The following MAD1L1 variants were observed in gnomAD, a reference collection of about 807,000 sequenced individuals.
MAD1L1 encodes the protein mitotic spindle assembly checkpoint protein MAD1.
MAD1L1 carries 95 observed loss-of-function variants against 96.9 expected under a neutral mutation model. The observed-to-expected ratio is 0.98, with a 90% CI of 0.83 to 1.16. The LOEUF (loss-of-function observed/expected upper bound fraction) is 1.16. Ranked by LOEUF, MAD1L1 falls within the 50% of genes most tolerant of loss-of-function variation. The probability of loss-of-function intolerance (pLI) is 0.00; values close to 1 mark genes in which losing one functional copy is unlikely to be tolerated. For synonymous variants in MAD1L1, 473 were observed against 396.6 expected, an observed-to-expected ratio of 1.19 and a Z score of -2.29; for missense variants, 1,007 against 954.4, an observed-to-expected ratio of 1.06 and a Z score of -0.73.
intron 4 of MAD1L1, 69 bp from the exon 5 acceptor site, chr7:2,222,823 C>T (rs1393404970): frequency 7.8e-7 from 1 of 1,276,278 alleles, no homozygotes; most frequent in Non-Finnish European, 1.1e-6. Flanking sequence ...CCCTCACCCC[C>T]ACACCTCTCT....
chr7:2,124,609 G>A (rs532620510), intron 11 of MAD1L1, among the ~76,000 whole-genome samples: 1 of 152,272 alleles, frequency 6.6e-6, no homozygotes, highest in South Asian at 2.1e-4. Flanking sequence ...AGGAGGTCAC[G>A]AAGCCCCCGC....
At chr7:2,214,281 T>C (rs1408338414) in intron 9 of MAD1L1, among the ~76,000 whole-genome samples, 1 of 152,056 alleles carries the variant, frequency 6.6e-6, no homozygotes, top group Non-Finnish European at 1.5e-5. Flanking sequence ...AACAATAAAT[T>C]ACACCGCGGG....
chr7:1,868,458 C>T (rs1784883885), intron 18 of MAD1L1, among the ~76,000 whole-genome samples: 1 of 150,796 alleles, frequency 6.6e-6, no homozygotes, highest in African/African-American at 2.4e-5. Context: ...CATGTCTGTC[C>T]TCCCCAGCGA....
intron 17 of MAD1L1, among the ~76,000 whole-genome samples, chr7:1,903,309 C>T (rs566711728): frequency 7.4e-5 from 11 of 148,050 alleles, no homozygotes; most frequent in South Asian, 2.2e-4. Context: ...TTCCAGGCAG[C>T]GAGGACGCAG....
intron 18 of MAD1L1, among the ~76,000 whole-genome samples, chr7:1,864,477 C>T (rs941822531): frequency 6.6e-6 from 1 of 152,236 alleles, no homozygotes; most frequent in Non-Finnish European, 1.5e-5. Flanking sequence ...CTTCTGAACA[C>T]CCCCCTGCCG....
intron 11 of MAD1L1, among the ~76,000 whole-genome samples, chr7:2,130,044 C>T (rs1278527285): frequency 6.6e-6 from 1 of 152,238 alleles, no homozygotes; most frequent in African/African-American, 2.4e-5. Flanking sequence ...AGACAGACTC[C>T]AGCACCAAGT....
At chr7:2,161,137 C>G (rs1385459305) in intron 10 of MAD1L1, among the ~76,000 whole-genome samples, 1 of 131,734 alleles carries the variant, frequency 7.6e-6, no homozygotes, top group Non-Finnish European at 1.6e-5. Context: ...CCCCTTTGCA[C>G]GGTCTCCCTC....
intron 18 of MAD1L1, among the ~76,000 whole-genome samples, chr7:1,880,459 C>T (rs971534754): frequency 6.6e-6 from 1 of 152,170 alleles, no homozygotes; most frequent in Non-Finnish European, 1.5e-5. Flanking sequence ...GGAGGCCACT[C>T]GACACAGTGA....
chr7:1,902,708 G>A (rs779764707), intron 17 of MAD1L1, among the ~76,000 whole-genome samples: 15 of 152,240 alleles, frequency 9.9e-5, no homozygotes, highest in African/African-American at 2.4e-4. Flanking sequence ...CTCGCTGTAC[G>A]TCCTGCAGTG....
intron 15 of MAD1L1, among the ~76,000 whole-genome samples, chr7:1,962,382 C>T (rs972240228): frequency 2.0e-5 from 3 of 152,076 alleles, no homozygotes; most frequent in African/African-American, 2.4e-5. Flanking sequence ...TTACTCAGTC[C>T]GGGTATGTCT....
At chr7:2,018,589 G>C (rs1046813603) in intron 12 of MAD1L1, among the ~76,000 whole-genome samples, 6 of 152,190 alleles carry the variant, frequency 3.9e-5, no homozygotes, top group Non-Finnish European at 5.9e-5. Context: ...CTGGGAGTCA[G>C]TGGCAGCCTG....
chr7:2,210,450 T>TGCGG (rs1562375185), intron 10 of MAD1L1, among the ~76,000 whole-genome samples: 1 of 134,836 alleles, frequency 7.4e-6, no homozygotes, highest in Non-Finnish European at 1.7e-5. Context: ...TCCCGTGGAC[T>TGCGG]CTCTAGGAGC....
intron 18 of MAD1L1, among the ~76,000 whole-genome samples, chr7:1,885,530 C>T (rs12538674): frequency 3.3e-5 from 5 of 151,972 alleles, no homozygotes; most frequent in Non-Finnish European, 7.4e-5. Context: ...AGATTTCAGG[C>T]GAATGTGTGA....
chr7:2,091,267 G>A (rs191789027), intron 11 of MAD1L1, among the ~76,000 whole-genome samples: 3 of 152,296 alleles, frequency 2.0e-5, no homozygotes, highest in Admixed American at 6.5e-5. Context: ...ACCGAGAACA[G>A]TGCTTGGAAG....
rs375727159 is a variant in MAD1L1 at position 1,938,413 on chromosome 7, G to GA, written c.1597-1517dup. 5.2e-4 allele frequency among the ~76,000 whole-genome samples: 76 copies of GA among 147,202 alleles called. 1 individual carries two copies. The East Asian group carries it at 9.2e-3, about 18-fold the overall frequency. On this transcript the variant is annotated intron_variant, in intron 16 of 18. Transcript: ENST00000265854. ...GGTTCAGGAAGTGCTGGCCGTAAAA[G>GA]AAAAAAAAAAGAGTACAACTGACCT...
At chr7:2,166,272 G>C (rs1489435896) in intron 10 of MAD1L1, among the ~76,000 whole-genome samples, 1 of 152,158 alleles carries the variant, frequency 6.6e-6, no homozygotes, top group African/African-American at 2.4e-5. Flanking sequence ...CTGCTGCAGG[G>C]ACATGAGTTA....
intron 16 of MAD1L1, among the ~76,000 whole-genome samples, chr7:1,943,625 G>A (rs1779099723): frequency 6.6e-6 from 1 of 152,168 alleles, no homozygotes; most frequent in Non-Finnish European, 1.5e-5. Context: ...CGTTGGTGAG[G>A]ATGGGGATAA....
Position 2,213,223 on chromosome 7 carries a change from GC to G in MAD1L1, c.974del (p.Gly325AlafsTer2). The G allele has an allele frequency of 1.2e-6, 2 of 1,614,132 alleles. No individual in the cohort carries two copies. Among genetic ancestry groups the G allele is most frequent in the Non-Finnish European group, 1.7e-6 (2 of 1,180,026 alleles). The stretch of plus-strand genomic sequence containing the variant: ...CTGCCCTTCCCTACCTGATGCTCAG[GC>G]CCATGGTCTGGTCCAGTCTCTCCCA... Reference protein sequence around the residue: ...QSWERLDQTMGLSIRTPEDLS... With the variant: ...QSWERLDQTMXLSIRTPEDLS... On this transcript the variant is annotated frameshift_variant, in exon 10 of 19. Transcript: ENST00000265854. LOFTEE classifies it high-confidence loss of function.
intron 6 of MAD1L1, 76 bp from the exon 7 acceptor site, chr7:2,218,119 GC>G: frequency 1.8e-6 from 2 of 1,114,338 alleles, no homozygotes; most frequent in Non-Finnish European, 2.7e-6. Context: ...CCTGAGACCC[GC>G]CCCAGCACAG....
Sources: allele counts gnomAD v4.1 joint callset (sites outside exome capture counted in the v4.1 genomes callset), GRCh38; gene constraint gnomAD v4.1.1; transcripts MANE v1.5; gene names NCBI Gene and HGNC (gene_info 2026-07-23, HGNC 2026-07-21).